DEFB123: variants seen among roughly 807,000 people sequenced by gnomAD.
DEFB123 encodes defensin beta 123.
For missense variants in DEFB123, 71 were observed against 75.0 expected (o/e 0.95, Z 0.20); for synonymous variants, 22 against 28.3 (o/e 0.78, Z 0.71).
At position 31,450,098 on chromosome 20, in the gene DEFB123, A is replaced by G. The variant is rs1979701152; in HGVS notation, c.128A>G (p.Tyr43Cys). The G allele has an allele frequency of 1.2e-6, 2 of 1,613,150 alleles. No homozygotes were observed. Among genetic ancestry groups the G allele is most frequent in the Non-Finnish European group, 1.7e-6 (2 of 1,179,592 alleles). ...RYRCSKKERV[Y>C]VYCINNKMCC... ...AGATGCTCCAAGAAGGAAAGAGTCTATGTTTACTGCATAAATAATAAAATG... is the reference window on the plus strand; with the variant it reads ...AGATGCTCCAAGAAGGAAAGAGTCTGTGTTTACTGCATAAATAATAAAATG... Residue 43 changes from tyrosine to cysteine, a missense_variant, in exon 2 of 2, where the codon TAT becomes TGT. Transcript: ENST00000376309.
intron 1 of DEFB123, among the ~76,000 whole-genome samples, chr20:31,447,781 T>A (rs1228754689): frequency 7.8e-5 from 2 of 25,772 alleles, no homozygotes; most frequent in Non-Finnish European, 9.3e-5. Context: ...CACACCCGGC[T>A]TTTTTTTTTT....
At chr20:31,448,643 CACTT>C (rs1979653206) in intron 1 of DEFB123, among the ~76,000 whole-genome samples, 1 of 152,104 alleles carries the variant, frequency 6.6e-6, no homozygotes, top group Admixed American at 6.5e-5. Flanking sequence ...CTATTAATCT[CACTT>C]AGTATGTTTT....
chr20:31,443,872 C>T (rs915034780), intron 1 of DEFB123, among the ~76,000 whole-genome samples: 3 of 152,190 alleles, frequency 2.0e-5, no homozygotes, highest in African/African-American at 4.8e-5. Context: ...GCTACTTTAG[C>T]TGGACCCTCA....
At chr20:31,448,974 C>T (rs1183350566) in intron 1 of DEFB123, among the ~76,000 whole-genome samples, 1 of 151,578 alleles carries the variant, frequency 6.6e-6, no homozygotes, top group Non-Finnish European at 1.5e-5. Context: ...GTGATCCACC[C>T]ACCTTGGCCT....
chr20:31,440,770 C>T lies in DEFB123; in HGVS notation c.58+14C>T, dbSNP rs1395153823. 6.2e-7 allele frequency: 1 copy of T among 1,612,920 alleles called. No individual in the cohort carries two copies. The highest frequency in any genetic ancestry group is 1.3e-5 in the African/African-American group (1 of 75,042). On this transcript the variant is annotated intron_variant, in intron 1 of 1. Coordinates refer to ENST00000376309, the MANE Select transcript of DEFB123 (RefSeq NM_153324.4). ...AGCTGACTCCAGGTAACCTGAACCT[C>T]CTTAAGGAAGGGGCAGGGCTTAGAG...
intron 1 of DEFB123, among the ~76,000 whole-genome samples, chr20:31,446,653 T>C (rs966385305): frequency 6.6e-6 from 1 of 152,218 alleles, no homozygotes; most frequent in Non-Finnish European, 1.5e-5. Context: ...GAATTCGTTC[T>C]AAGTTTTACA....
At chr20:31,442,596 C>CTTTTTTTTT (rs397865886) in intron 1 of DEFB123, among the ~76,000 whole-genome samples, 2 of 105,848 alleles carry the variant, frequency 1.9e-5, no homozygotes, top group African/African-American at 3.8e-5. Flanking sequence ...AGGTCATTTG[C>CTTTTTTTTT]TTTTTTTTTT....
At position 31,450,246 on chromosome 20, in the gene DEFB123, A is replaced by G; in HGVS notation, c.*72A>G. 6.7e-7 allele frequency: 1 copy of G among 1,482,380 alleles called. No individual in the cohort carries two copies. The highest frequency in any genetic ancestry group is 8.9e-7 in the Non-Finnish European group (1 of 1,119,372). The allele number at this position is 1,482,380 out of a possible 1,614,324, so 91.8% of individuals were successfully genotyped here. The stretch of plus-strand genomic sequence containing the variant: ...GGATTCCCACACTCTATCAATAAAC[A>G]CCTCTGGCTGATCCCTGCGTTTGCC... On this transcript the variant is annotated 3_prime_UTR_variant, in exon 2 of 2. Transcript: ENST00000376309.
At chr20:31,449,128 T>C (rs1488493906) in intron 1 of DEFB123, among the ~76,000 whole-genome samples, 1 of 152,152 alleles carries the variant, frequency 6.6e-6, no homozygotes, top group African/African-American at 2.4e-5. Flanking sequence ...TTTATCATCC[T>C]TGTCTGCTAG....
intron 1 of DEFB123, 100 bp downstream of exon 1, chr20:31,440,856 C>T (rs1273370613): frequency 6.9e-7 from 1 of 1,449,150 alleles, no homozygotes; most frequent in African/African-American, 1.4e-5. Flanking sequence ...TGTCATCTAG[C>T]ACCACGTATA....
Position 31,448,232 on chromosome 20 carries a change from C to T in DEFB123, c.59-1797C>T, listed in dbSNP as rs114973175. ...ACCCAGCCTCTTCCAGTATTTTTAC[C>T]TTTTCTCCTATGTACATAACGTGTC... On this transcript the variant is annotated intron_variant, in intron 1 of 1. Coordinates refer to ENST00000376309, the MANE Select transcript of DEFB123 (RefSeq NM_153324.4). Among the ~76,000 whole-genome samples, 641 of 152,138 alleles carry T rather than the reference C, an allele frequency of 4.2e-3. 6 individuals are homozygous for T. Among genetic ancestry groups the T allele is most frequent in the African/African-American group, 0.014 (590 of 41,492 alleles).
intron 1 of DEFB123, among the ~76,000 whole-genome samples, chr20:31,441,047 AG>A (rs913013997): frequency 5.9e-5 from 9 of 152,212 alleles, no homozygotes; most frequent in African/African-American, 2.2e-4. Flanking sequence ...AGGAAAGAGG[AG>A]AGGCAGGTAT....
intron 1 of DEFB123, among the ~76,000 whole-genome samples, chr20:31,448,155 T>C (rs920676654): frequency 2.6e-5 from 4 of 152,060 alleles, no homozygotes; most frequent in African/African-American, 9.7e-5. Context: ...GCTCAAGCAA[T>C]CCTCCCATCT....
intron 1 of DEFB123, among the ~76,000 whole-genome samples, chr20:31,441,172 T>C (rs1416712487): frequency 6.6e-6 from 1 of 152,172 alleles, no homozygotes; most frequent in Non-Finnish European, 1.5e-5. Flanking sequence ...GACTCTGCGC[T>C]GGAAGCTAGG....
chr20:31,442,523 A>C (rs991200989), intron 1 of DEFB123, among the ~76,000 whole-genome samples: 4 of 152,036 alleles, frequency 2.6e-5, no homozygotes, highest in Non-Finnish European at 2.9e-5. Flanking sequence ...ATGGTATGTC[A>C]GATAATGAGT....
Position 31,440,720 on chromosome 20 carries a change from TTGAC to T in DEFB123, c.25_28del (p.Thr9CysfsTer8). 6.2e-7 allele frequency: 1 copy of T among 1,613,770 alleles called. No individual in the cohort carries two copies. ...AGCCATGAAGCTCCTTTTGCTGACT[TTGAC>T]TGTGCTGCTGCTCTTATCCCAGCTG... On this transcript the variant is annotated frameshift_variant, in exon 1 of 2. Transcript: ENST00000376309. LOFTEE classifies it low-confidence loss of function (END_TRUNC).
intron 1 of DEFB123, among the ~76,000 whole-genome samples, chr20:31,448,452 C>A (rs1266207018): frequency 6.6e-6 from 1 of 151,542 alleles, no homozygotes; most frequent in Admixed American, 6.6e-5. Flanking sequence ...TCCTGCCCCT[C>A]CCCTCTCCTC....
chr20:31,447,378 CA>C (rs1979615928), intron 1 of DEFB123, among the ~76,000 whole-genome samples: 2 of 152,120 alleles, frequency 1.3e-5, no homozygotes, highest in Admixed American at 6.6e-5. Context: ...TGTAGACATC[CA>C]GATTTCCCTC....
chr20:31,450,106 T>G lies in DEFB123; in HGVS notation c.136T>G (p.Cys46Gly), dbSNP rs764299206. ...CAAGAAGGAAAGAGTCTATGTTTAC[T>G]GCATAAATAATAAAATGTGCTGCGT... Reference protein sequence around the residue: ...CSKKERVYVYCINNKMCCVKP... With the variant: ...CSKKERVYVYGINNKMCCVKP... The change falls in exon 2 of 2, where the codon TGC becomes GGC. Residue 46 changes from cysteine to glycine, a missense_variant. By Grantham distance (159) the Cys-to-Gly change is radical. Coordinates refer to ENST00000376309, the MANE Select transcript of DEFB123 (RefSeq NM_153324.4). 1 of 1,613,304 alleles carries G rather than the reference T, an allele frequency of 6.2e-7. No individual in the cohort carries two copies. The highest frequency in any genetic ancestry group is 8.5e-7 in the Non-Finnish European group (1 of 1,179,668).
Sources: gnomAD v4.1 joint callset for allele counts (sites outside exome capture counted in the v4.1 genomes callset) on GRCh38, gnomAD v4.1.1 for gene constraint, MANE v1.5 for transcripts, NCBI Gene and HGNC (gene_info 2026-07-23, HGNC 2026-07-21) for gene names.